The following SDHAF2 variants were observed in gnomAD, a reference collection of about 807,000 sequenced individuals.
SDHAF2 encodes the protein succinate dehydrogenase assembly factor 2, mitochondrial.
SDHAF2 carries 21 observed loss-of-function variants against 18.5 expected under a neutral mutation model. The ratio of observed to expected loss-of-function variants is 1.13; its 90% CI spans 0.80 to 1.63. The LOEUF (loss-of-function observed/expected upper bound fraction) is 1.63, where lower values mean the gene tolerates loss of function less well. Among genes scored for constraint, SDHAF2 ranks in the 40% most tolerant of loss-of-function variants. The pLI, the probability that SDHAF2 is intolerant of heterozygous loss-of-function variation, is 0.00. For missense variants in SDHAF2, 195 were observed against 200.3 expected, an observed-to-expected ratio of 0.97 and a Z score of 0.16; for synonymous variants, 84 against 70.7, an observed-to-expected ratio of 1.19 and a Z score of -0.94.
chr11:61,445,861 G>A, intron 3 of SDHAF2, 80 bp from the exon 4 acceptor site: 1 of 1,502,324 alleles, frequency 6.7e-7, no homozygotes, highest in Non-Finnish European at 9.2e-7. Context: ...TTCTTGGCCA[G>A]TGTTTCGAGT....
chr11:61,430,328 C>G, intron 1 of SDHAF2, 146 bp downstream of exon 1: 1 of 951,654 alleles, frequency 1.1e-6, no homozygotes, highest in Non-Finnish European at 1.7e-6. Context: ...GATCCTGCAA[C>G]TCAGGAAATA....
At position 61,437,838 on chromosome 11, in the gene SDHAF2, A is replaced by G. The variant is rs1862012828; in HGVS notation, c.250A>G (p.Ile84Val). 1 of 1,613,566 alleles carries G rather than the reference A, an allele frequency of 6.2e-7. No homozygotes were observed. Among genetic ancestry groups the G allele is most frequent in the Non-Finnish European group, 8.5e-7 (1 of 1,179,898 alleles). ...SRKRGMLENCILLSLFAKEHL... is the reference protein window; with the variant it reads ...SRKRGMLENCVLLSLFAKEHL... ...AAAGAGGGGAATGTTGGAAAACTGCATTCTTCTTAGGTATGGGACTAGGAG... is the reference window on the plus strand; with the variant it reads ...AAAGAGGGGAATGTTGGAAAACTGCGTTCTTCTTAGGTATGGGACTAGGAG... The change falls in exon 2 of 4, where the codon ATT becomes GTT. Residue 84 changes from isoleucine to valine, a missense_variant. Physicochemically the swap from Ile to Val is conservative, Grantham distance 29. Transcript: ENST00000301761.
rs182084395 is a variant in SDHAF2, at chr11:61,446,133, G to A, written c.*62G>A. 2.1e-5 allele frequency: 34 copies of A among 1,600,216 alleles called. No individual in the cohort carries two copies. Among genetic ancestry groups the A allele is most frequent in the African/African-American group, 1.6e-4 (12 of 74,804 alleles). On this transcript the variant is annotated 3_prime_UTR_variant, in exon 4 of 4. Coordinates refer to ENST00000301761, the MANE Select transcript of SDHAF2 (RefSeq NM_017841.4). Reference sequence around the variant, plus strand: ...TGGATGGTAACTACTTATGATGGACGTTAGCCTTGCTTCCGGCTTCTTAGA... The same window carrying A: ...TGGATGGTAACTACTTATGATGGACATTAGCCTTGCTTCCGGCTTCTTAGA...
chr11:61,439,122 C>T (rs1862034063), intron 3 of SDHAF2, among the ~76,000 whole-genome samples: 1 of 152,042 alleles, frequency 6.6e-6, no homozygotes, highest in Non-Finnish European at 1.5e-5. Flanking sequence ...TTAACTTTGG[C>T]TATGAGTAAA....
Position 61,437,647 on chromosome 11 carries a change from G to A in SDHAF2, c.59G>A (p.Ser20Asn). ...SSLMLALSRH[S>N]LLSPLLSVTS... ...CAGATGCTTGCTCTGTCAAGGCACA[G>A]CCTATTGTCTCCTTTGCTCAGTGTG... Residue 20 changes from serine to asparagine, a missense_variant, in exon 2 of 4, where the codon AGC becomes AAC. By Grantham distance (46) the Ser-to-Asn change is conservative (BLOSUM62 1). Coordinates refer to ENST00000301761, the MANE Select transcript of SDHAF2 (RefSeq NM_017841.4). 1 of 1,614,158 alleles carries A rather than the reference G, an allele frequency of 6.2e-7. No individual in the cohort carries two copies. Among genetic ancestry groups the A allele is most frequent in the Non-Finnish European group, 8.5e-7 (1 of 1,179,980 alleles).
chr11:61,433,641 T>TCGTCA (rs1470012921), intron 1 of SDHAF2: 1 of 152,200 alleles, frequency 6.6e-6, no homozygotes, highest in East Asian at 1.9e-4. Flanking sequence ...AAAAATTCAT[T>TCGTCA]CGTCAGGGCC....
chr11:61,445,813 A>T, intron 3 of SDHAF2, 128 bp from the exon 4 acceptor site: 1 of 1,121,656 alleles, frequency 8.9e-7, no homozygotes, highest in Non-Finnish European at 1.3e-6. Flanking sequence ...GTGTATATTT[A>T]GAAGAAGGAT....
In SDHAF2 at chr11:61,441,288, T is replaced by G. The variant is rs1203792474; in HGVS notation, c.370+3175T>G. Among the ~76,000 whole-genome samples, 6 of 152,002 alleles carry G rather than the reference T, an allele frequency of 3.9e-5. No individual in the cohort carries two copies. In the East Asian group the frequency reaches 1.2e-3, roughly 29 times the overall value. On this transcript the variant is annotated intron_variant, in intron 3 of 3. Coordinates refer to ENST00000301761, the MANE Select transcript of SDHAF2 (RefSeq NM_017841.4). ...TGGCTCACGCCTGTAATCCCAGCAC[T>G]TTGGTAGGCTGAGGTGGGCGGATCA...
At chr11:61,441,840 A>G (rs1287065429) in intron 3 of SDHAF2, among the ~76,000 whole-genome samples, 1 of 150,448 alleles carries the variant, frequency 6.6e-6, no homozygotes, top group Non-Finnish European at 1.5e-5. Context: ...CCCTTTATGT[A>G]TATTTGGTGA....
At chr11:61,442,908 C>T (rs1024606014) in intron 3 of SDHAF2, among the ~76,000 whole-genome samples, 1 of 152,214 alleles carries the variant, frequency 6.6e-6, no homozygotes, top group Non-Finnish European at 1.5e-5. Flanking sequence ...CACGTGCCGC[C>T]ATGCCTGGCT....
intron 3 of SDHAF2, among the ~76,000 whole-genome samples, chr11:61,444,757 T>A (rs190110058): frequency 0.02 from 3,070 of 151,600 alleles, 104 homozygotes; most frequent in African/African-American, 0.069. Flanking sequence ...AAAAAAAAAA[T>A]TTTTTTAGCT....
chr11:61,430,376 C>G lies in SDHAF2; in HGVS notation c.36+194C>G, dbSNP rs577357455. The G allele has an allele frequency of 2.7e-5, 18 of 668,112 alleles. No homozygotes were observed. The African/African-American group carries it at 2.7e-4, about 10-fold the overall frequency. The allele number at this position is 668,112 out of a possible 1,614,324, so 41.4% of individuals were successfully genotyped here. ...ATTCTTTGGTGAGCCTACTGTGTGC[C>G]GGTCTGGAAATATCTGCTTAAACGA... On this transcript the variant is annotated intron_variant, in intron 1 of 3. Transcript: ENST00000301761.
Position 61,446,096 on chromosome 11 carries a change from G to C in SDHAF2, c.*25G>C. 1.2e-6 allele frequency: 2 copies of C among 1,613,928 alleles called. No individual in the cohort carries two copies. The highest frequency in any genetic ancestry group is 1.7e-6 in the Non-Finnish European group (2 of 1,179,918). On this transcript the variant is annotated 3_prime_UTR_variant, in exon 4 of 4. Coordinates refer to ENST00000301761, the MANE Select transcript of SDHAF2 (RefSeq NM_017841.4). ...AGCTGTGCTCCACGGCCTGGCATGG[G>C]GGTTCAGTCTGTGGATGGTAACTAC...
chr11:61,442,696 T>C (rs1862083891), intron 3 of SDHAF2, among the ~76,000 whole-genome samples: 1 of 152,214 alleles, frequency 6.6e-6, no homozygotes, highest in Non-Finnish European at 1.5e-5. Flanking sequence ...CTTTTCCTTC[T>C]AGGATTCTAG....
intron 3 of SDHAF2, among the ~76,000 whole-genome samples, chr11:61,443,487 T>G (rs1171764914): frequency 1.3e-5 from 2 of 152,266 alleles, no homozygotes; most frequent in African/African-American, 2.4e-5. Context: ...TAATTGTATT[T>G]ATGCTTACAA....
chr11:61,442,053 TTTG>T (rs753960986), intron 3 of SDHAF2, among the ~76,000 whole-genome samples: 30 of 152,038 alleles, frequency 2.0e-4, no homozygotes, highest in Admixed American at 5.9e-4. Flanking sequence ...CCAGCTAATT[TTTG>T]TTGTTGTTGT....
Position 61,436,412 on chromosome 11 carries a change from A to G in SDHAF2, c.37-1213A>G, listed in dbSNP as rs147753136. On this transcript the variant is annotated intron_variant, in intron 1 of 3. Transcript: ENST00000301761. ...CTCCTGCTTGTTCTGCACTGAGCCA[A>G]GGATGAGTGATGAGGGAGTGAGTGC... 4.3e-3 allele frequency among the ~76,000 whole-genome samples: 649 copies of G among 152,320 alleles called. 8 individuals are homozygous for G. Among genetic ancestry groups the G allele is most frequent in the African/African-American group, 0.015 (624 of 41,576 alleles).
intron 3 of SDHAF2, among the ~76,000 whole-genome samples, chr11:61,442,622 A>G (rs1409028686): frequency 1.3e-5 from 2 of 151,788 alleles, no homozygotes; most frequent in African/African-American, 4.8e-5. Flanking sequence ...CATATCTTTT[A>G]TTATTGTTGA....
chr11:61,445,830 A>C, intron 3 of SDHAF2, 111 bp from the exon 4 acceptor site: 2 of 1,225,964 alleles, frequency 1.6e-6, no homozygotes, highest in Non-Finnish European at 2.4e-6. Context: ...GGATGGAGAC[A>C]GTCTATATAT....
Sources: allele counts gnomAD v4.1 joint callset (sites outside exome capture counted in the v4.1 genomes callset), GRCh38; gene constraint gnomAD v4.1.1; transcripts MANE v1.5; gene names NCBI Gene and HGNC (gene_info 2026-07-23, HGNC 2026-07-21).